KIFAP3: variants seen among roughly 807,000 people sequenced by gnomAD.
The protein encoded by KIFAP3 is kinesin-associated protein 3.
Under a neutral mutation model 106.5 loss-of-function variants are expected in KIFAP3, and 68 were observed. The observed-to-expected ratio is 0.64, with a 90% CI of 0.53 to 0.78. The LOEUF is 0.78. Ranked by LOEUF, KIFAP3 falls within the 30% of genes least tolerant of loss-of-function variation. The pLI is 0.00. For synonymous variants in KIFAP3, 320 were observed against 311.5 expected, an observed-to-expected ratio of 1.03 and a Z score of -0.29; for missense variants, 780 against 941.8, an observed-to-expected ratio of 0.83 and a Z score of 2.25.
chr1:170,048,966 G>C (rs765583036), intron 2 of KIFAP3, among the ~76,000 whole-genome samples: 8 of 152,214 alleles, frequency 5.3e-5, no homozygotes, highest in Non-Finnish European at 8.8e-5. Context: ...TGGAATCCCA[G>C]TGAGACAGAA....
chr1:170,035,512 A>T lies in KIFAP3; in HGVS notation c.559T>A (p.Trp187Arg). 1 of 1,610,684 alleles carries T rather than the reference A, an allele frequency of 6.2e-7. No individual in the cohort carries two copies. The highest frequency in any genetic ancestry group is 1.1e-5 in the South Asian group (1 of 90,618). The change falls in exon 6 of 20, where the codon TGG becomes AGG. Residue 187 changes from tryptophan (W) to arginine (R), a missense_variant. Trp to Arg is a moderately radical substitution (Grantham distance 101). Transcript: ENST00000361580. ...GTAGCTAACTCGACACTTTGCTTCC[A>T]GTCTTCTCTCAGGACCCTTGCTAAT... The part of the protein sequence containing the change: ...GALARVLRED[W>R]KQSVELATNI...
At chr1:169,965,808 A>C (rs2101875050) in intron 17 of KIFAP3, among the ~76,000 whole-genome samples, 1 of 151,328 alleles carries the variant, frequency 6.6e-6, no homozygotes, top group South Asian at 2.1e-4. Context: ...GAGATTATCA[A>C]ATCTATTTGA....
intron 19 of KIFAP3, among the ~76,000 whole-genome samples, chr1:169,948,956 T>C (rs1376214258): frequency 6.6e-6 from 1 of 152,016 alleles, no homozygotes; most frequent in Non-Finnish European, 1.5e-5. Flanking sequence ...TAGCTGAGTA[T>C]AATTAAGGCA....
At chr1:170,047,256 C>T (rs952883446) in intron 2 of KIFAP3, among the ~76,000 whole-genome samples, 12 of 151,652 alleles carry the variant, frequency 7.9e-5, no homozygotes, top group Admixed American at 2.6e-4. Flanking sequence ...CAGCTAGGGA[C>T]AAGACACAAT....
chr1:169,978,828 G>C lies in KIFAP3; in HGVS notation c.1799-645C>G, dbSNP rs565804571. On this transcript the variant is annotated intron_variant, in intron 15 of 19. Coordinates refer to ENST00000361580, the MANE Select transcript of KIFAP3 (RefSeq NM_014970.4). ...ATGACATTTTAGAAACAGAGTTTCAGGTCAACAGAGTATCAAACCAGTTGT... is the reference window on the plus strand; with the variant it reads ...ATGACATTTTAGAAACAGAGTTTCACGTCAACAGAGTATCAAACCAGTTGT... 8.2e-4 allele frequency among the ~76,000 whole-genome samples: 124 copies of C among 152,136 alleles called. 1 individual carries two copies. The highest frequency in any genetic ancestry group is 2.8e-3 in the African/African-American group (118 of 41,536).
At chr1:169,996,228 C>T (rs1013402577) in intron 10 of KIFAP3, among the ~76,000 whole-genome samples, 1 of 152,070 alleles carries the variant, frequency 6.6e-6, no homozygotes, top group African/African-American at 2.4e-5. Context: ...CCACACCTTC[C>T]TGCTTTAACA....
intron 1 of KIFAP3, 126 bp downstream of exon 1, chr1:170,074,310 A>G: frequency 8.9e-7 from 1 of 1,125,686 alleles, no homozygotes; most frequent in Non-Finnish European, 1.3e-6. Context: ...CCTTTCGGTG[A>G]CTTCTCTCCC....
intron 19 of KIFAP3, among the ~76,000 whole-genome samples, chr1:169,945,438 C>T (rs953984764): frequency 6.6e-6 from 1 of 152,176 alleles, no homozygotes; most frequent in South Asian, 2.1e-4. Flanking sequence ...GGGCTCATGC[C>T]TCTTCCCAGC....
chr1:170,028,789 C>T (rs1015375449), intron 8 of KIFAP3, among the ~76,000 whole-genome samples: 1 of 152,096 alleles, frequency 6.6e-6, no homozygotes, highest in Non-Finnish European at 1.5e-5. Flanking sequence ...GCATGTATCA[C>T]TTGTAGGTAG....
chr1:169,965,576 A>C (rs1033763133), intron 17 of KIFAP3, among the ~76,000 whole-genome samples: 1 of 152,010 alleles, frequency 6.6e-6, no homozygotes. Flanking sequence ...CTTTGCAAAA[A>C]CAAACAAAAA....
intron 2 of KIFAP3, among the ~76,000 whole-genome samples, chr1:170,047,806 G>A (rs1212588126): frequency 6.6e-6 from 1 of 152,006 alleles, no homozygotes; most frequent in Admixed American, 6.6e-5. Flanking sequence ...CCATTATTAA[G>A]AGTTTGGAAA....
At chr1:170,077,338 T>C (rs1255765723), upstream of KIFAP3, among the ~76,000 whole-genome samples, 2 of 152,194 alleles carry the variant, frequency 1.3e-5, no homozygotes, top group Admixed American at 6.5e-5. Context: ...TCCAAAATCA[T>C]TGGAGAAGTA....
chr1:169,988,794 A>G (rs973039899), intron 11 of KIFAP3, among the ~76,000 whole-genome samples: 1 of 152,002 alleles, frequency 6.6e-6, no homozygotes, highest in African/African-American at 2.4e-5. Flanking sequence ...ATTTGGCACT[A>G]TAAGTTAAAA....
At chr1:170,039,340 G>T in intron 3 of KIFAP3, 52 bp from the exon 4 acceptor site, 2 of 1,030,122 alleles carry the variant, frequency 1.9e-6, no homozygotes, top group South Asian at 2.9e-5. Context: ...AGGGTTTCTA[G>T]GTAATTTTTA....
At chr1:170,015,850 T>C (rs1668479697) in intron 10 of KIFAP3, among the ~76,000 whole-genome samples, 1 of 152,190 alleles carries the variant, frequency 6.6e-6, no homozygotes, top group Non-Finnish European at 1.5e-5. Flanking sequence ...CACCTTGTCA[T>C]AGACAGGTAT....
At position 170,061,176 on chromosome 1, in the gene KIFAP3, C is replaced by A. The variant is rs907856215; in HGVS notation, c.33-5740G>T. The stretch of plus-strand genomic sequence containing the variant: ...AATTGACAAATGGGATCTAATTAAA[C>A]TAAAGAGCTTCTGCACAGCAAAAGA... On this transcript the variant is annotated intron_variant, in intron 1 of 19. Coordinates refer to ENST00000361580, the MANE Select transcript of KIFAP3 (RefSeq NM_014970.4). 2.8e-4 allele frequency among the ~76,000 whole-genome samples: 42 copies of A among 152,284 alleles called. 1 individual carries two copies. The highest frequency in any genetic ancestry group is 7.2e-4 in the African/African-American group (30 of 41,566).
chr1:170,054,888 G>C (rs1238891510), intron 2 of KIFAP3, among the ~76,000 whole-genome samples: 2 of 152,102 alleles, frequency 1.3e-5, no homozygotes, highest in Non-Finnish European at 2.9e-5. Context: ...ATGAGGGGTT[G>C]ATAGGTGCAG....
intron 3 of KIFAP3, among the ~76,000 whole-genome samples, chr1:170,042,637 G>T (rs2102072997): frequency 6.6e-6 from 1 of 152,246 alleles, no homozygotes; most frequent in Non-Finnish European, 1.5e-5. Context: ...CTCTCATCTT[G>T]TTTTATGTCC....
intron 8 of KIFAP3, among the ~76,000 whole-genome samples, chr1:170,028,669 T>A (rs1669244026): frequency 6.6e-6 from 1 of 152,146 alleles, no homozygotes; most frequent in Admixed American, 6.5e-5. Flanking sequence ...TGTATAAGTA[T>A]AATAAATGTT....
Sources: allele counts gnomAD v4.1 joint callset (sites outside exome capture counted in the v4.1 genomes callset), GRCh38; gene constraint gnomAD v4.1.1; transcripts MANE v1.5; gene names NCBI Gene and HGNC (gene_info 2026-07-23, HGNC 2026-07-21).